The following PHLDB2 variants were observed in gnomAD, a reference collection of about 807,000 sequenced individuals.
The protein encoded by PHLDB2 is pleckstrin homology like domain family B member 2.
Under a neutral mutation model 123.6 loss-of-function variants are expected in PHLDB2, and 71 were observed. The ratio of observed to expected loss-of-function variants is 0.57; its 90% CI spans 0.47 to 0.70. The LOEUF is 0.70. Among genes scored for constraint, PHLDB2 ranks in the 30% least tolerant of loss-of-function variants. The pLI, the probability that PHLDB2 is intolerant of heterozygous loss-of-function variation, is 0.00. For missense variants in PHLDB2, 1,446 were observed against 1,519.5 expected, an observed-to-expected ratio of 0.95 and a Z score of 0.80; for synonymous variants, 547 against 541.6, an observed-to-expected ratio of 1.01 and a Z score of -0.14.
chr3:111,796,718 G>A lies in PHLDB2; in HGVS notation c.-48-49103G>A, dbSNP rs187119913. Among the ~76,000 whole-genome samples, 640 of 152,116 alleles carry A rather than the reference G, an allele frequency of 4.2e-3. 2 individuals carry two copies. The highest frequency in any genetic ancestry group is 0.012 in the South Asian group (56 of 4,806). ...TTTTTGGTATTTTTAGCTGAGACAGGGTCTTGCCATGTTAGCCAGGCAGTT... is the reference window on the plus strand; with the variant it reads ...TTTTTGGTATTTTTAGCTGAGACAGAGTCTTGCCATGTTAGCCAGGCAGTT... On this transcript the variant is annotated intron_variant, in intron 1 of 17. Coordinates refer to the PHLDB2 transcript ENST00000393923.
At chr3:111,934,482 C>G (rs1157160531) in intron 6 of PHLDB2, among the ~76,000 whole-genome samples, 1 of 152,066 alleles carries the variant, frequency 6.6e-6, no homozygotes, top group East Asian at 1.9e-4. Context: ...GTAAGTCACA[C>G]AAAGTAAAAA....
chr3:111,776,209 AT>A (rs1207941171), intron 1 of PHLDB2, among the ~76,000 whole-genome samples: 1 of 152,148 alleles, frequency 6.6e-6, no homozygotes, highest in Non-Finnish European at 1.5e-5. Context: ...GATCTGAGAA[AT>A]AATCCCCTTT....
intron 1 of PHLDB2, among the ~76,000 whole-genome samples, chr3:111,736,888 A>G (rs1438705067): frequency 6.6e-6 from 1 of 152,236 alleles, no homozygotes; most frequent in Non-Finnish European, 1.5e-5. Context: ...GGTTCTTGCT[A>G]GAAGGATAAG....
At chr3:111,822,688 CA>C (rs1003157349) in intron 1 of PHLDB2, among the ~76,000 whole-genome samples, 4 of 152,120 alleles carry the variant, frequency 2.6e-5, no homozygotes, top group African/African-American at 9.7e-5. Context: ...AGCCTGACGT[CA>C]AAGGAAATTA....
intron 9 of PHLDB2, among the ~76,000 whole-genome samples, chr3:111,947,640 A>G (rs550238395): frequency 3.5e-4 from 54 of 152,350 alleles, no homozygotes; most frequent in African/African-American, 1.3e-3. Flanking sequence ...GAGCAAAAGA[A>G]AAACTCAAAA....
At chr3:111,780,106 G>A (rs1484444716) in intron 1 of PHLDB2, among the ~76,000 whole-genome samples, 1 of 151,148 alleles carries the variant, frequency 6.6e-6, no homozygotes, top group Non-Finnish European at 1.5e-5. Flanking sequence ...GCTCTTCTGT[G>A]GTTTGGAATG....
At chr3:111,889,104 A>C (rs959100045) in intron 2 of PHLDB2, among the ~76,000 whole-genome samples, 177 of 152,350 alleles carry the variant, frequency 1.2e-3, no homozygotes, top group African/African-American at 4.1e-3. Flanking sequence ...TCTTAATTTT[A>C]TAGAAGTAAT....
intron 1 of PHLDB2, among the ~76,000 whole-genome samples, chr3:111,863,341 G>T (rs1162482169): frequency 6.6e-6 from 1 of 152,186 alleles, no homozygotes; most frequent in Non-Finnish European, 1.5e-5. Flanking sequence ...GTACATGAAT[G>T]GATAGGGCTG....
intron 1 of PHLDB2, among the ~76,000 whole-genome samples, chr3:111,789,840 T>G (rs1304439687): frequency 6.6e-6 from 1 of 152,188 alleles, no homozygotes; most frequent in Non-Finnish European, 1.5e-5. Flanking sequence ...GCCCTTGTCT[T>G]TAGCCAACTG....
At chr3:111,966,531 T>G (rs1478818704) in intron 13 of PHLDB2, 82 bp from the exon 14 acceptor site, 5 of 589,344 alleles carry the variant, frequency 8.5e-6, no homozygotes, top group Admixed American at 3.1e-5. Context: ...GTCTGGGGTG[T>G]GTGTGTGTGT....
chr3:111,902,849 G>C (rs1272212673), intron 2 of PHLDB2, among the ~76,000 whole-genome samples: 1 of 152,078 alleles, frequency 6.6e-6, no homozygotes, highest in Admixed American at 6.5e-5. Flanking sequence ...ATGTTGCCCA[G>C]GCTAGTCTCT....
chr3:111,842,342 A>G (rs1014979108), intron 1 of PHLDB2, among the ~76,000 whole-genome samples: 1 of 152,210 alleles, frequency 6.6e-6, no homozygotes, highest in Admixed American at 6.5e-5. Context: ...CCATCCTCAC[A>G]CAAACATGGC....
intron 1 of PHLDB2, among the ~76,000 whole-genome samples, chr3:111,825,589 A>G (rs977379550): frequency 1.2e-4 from 19 of 152,340 alleles, no homozygotes; most frequent in Admixed American, 1.2e-3. Context: ...CTGGGATTAC[A>G]GGCGTGCACC....
At chr3:111,837,394 T>C (rs952840435) in intron 1 of PHLDB2, among the ~76,000 whole-genome samples, 2 of 152,142 alleles carry the variant, frequency 1.3e-5, no homozygotes. Flanking sequence ...GGGGGTGGCA[T>C]GGAGAAGAGT....
At chr3:111,808,360 T>C (rs1302001370) in intron 1 of PHLDB2, among the ~76,000 whole-genome samples, 1 of 152,156 alleles carries the variant, frequency 6.6e-6, no homozygotes, top group Non-Finnish European at 1.5e-5. Flanking sequence ...CAATCAAACA[T>C]AAGGGCTTTG....
At chr3:111,742,641 C>T (rs1173366021) in intron 1 of PHLDB2, among the ~76,000 whole-genome samples, 3 of 152,106 alleles carry the variant, frequency 2.0e-5, no homozygotes, top group Non-Finnish European at 4.4e-5. Context: ...GATATGAACT[C>T]GTCCTTTTTT....
intron 5 of PHLDB2, 92 bp downstream of exon 5, chr3:111,920,511 T>G: frequency 6.9e-7 from 1 of 1,446,496 alleles, no homozygotes; most frequent in Non-Finnish European, 9.3e-7. Flanking sequence ...TACTGGGGTT[T>G]TGGATTTGTG....
In PHLDB2 at chr3:111,969,787, A is replaced by T; in HGVS notation, c.3413A>T (p.His1138Leu). The T allele has an allele frequency of 6.2e-7, 1 of 1,614,044 alleles. No homozygotes were observed. The highest frequency in any genetic ancestry group is 8.5e-7 in the Non-Finnish European group (1 of 1,179,896). ...GGCCACAATATTGACACCTGTTACC[A>T]TGTATCAATCACAGAGAAGACCTGC... ...TAGHNIDTCY[H>L]VSITEKTCRG... The change falls in exon 16 of 18, where the codon CAT becomes CTT. Residue 1138 changes from histidine (H) to leucine (L), a missense_variant. Transcript: ENST00000431670.
chr3:111,893,919 T>TATTTA (rs71625224), intron 2 of PHLDB2, among the ~76,000 whole-genome samples: 1 of 138,904 alleles, frequency 7.2e-6, no homozygotes, highest in African/African-American at 2.6e-5. Context: ...TTTATTTATT[T>TATTTA]TTTATTATAC....
Sources: gnomAD v4.1 joint callset for allele counts (sites outside exome capture counted in the v4.1 genomes callset) on GRCh38, gnomAD v4.1.1 for gene constraint, MANE v1.5 for transcripts, NCBI Gene and HGNC (gene_info 2026-07-23, HGNC 2026-07-21) for gene names.